Variants in RXFP1 observed in about 807,000 individuals in gnomAD.
RXFP1 encodes relaxin family peptide receptor 1, also known as relaxin receptor 1.
Under a neutral mutation model 89.8 loss-of-function variants are expected in RXFP1, and 73 were observed. The ratio of observed to expected loss-of-function variants is 0.81; its 90% CI spans 0.67 to 0.99. The LOEUF (loss-of-function observed/expected upper bound fraction) is 0.99, where lower values mean the gene tolerates loss of function less well. Among genes scored for constraint, RXFP1 ranks in the 50% least tolerant of loss-of-function variants. The pLI is 0.00. For synonymous variants in RXFP1, 277 were observed against 305.5 expected, an observed-to-expected ratio of 0.91 and a Z score of 0.97; for missense variants, 793 against 895.5, an observed-to-expected ratio of 0.89 and a Z score of 1.46.
chr4:158,644,083 C>T (rs1174249522), intron 14 of RXFP1, among the ~76,000 whole-genome samples: 4 of 140,896 alleles, frequency 2.8e-5, no homozygotes, highest in African/African-American at 1.1e-4. Flanking sequence ...CTCGCTCTGT[C>T]GCCCCCAGGC....
intron 1 of RXFP1, chr4:158,544,168 A>G: frequency 1.0e-6 from 1 of 984,576 alleles, no homozygotes; most frequent in Non-Finnish European, 1.2e-6. Flanking sequence ...CTTCATTGGA[A>G]ATCATTGTTC....
At chr4:158,628,741 T>C (rs1381543528) in intron 11 of RXFP1, 32 bp downstream of exon 11, 1 of 1,231,614 alleles carries the variant, frequency 8.1e-7, no homozygotes, top group Admixed American at 2.1e-5. Context: ...CTGATAAGAA[T>C]TTTCTTTCTA....
intron 1 of RXFP1, among the ~76,000 whole-genome samples, chr4:158,571,126 C>T (rs1754975612): frequency 6.6e-6 from 1 of 152,150 alleles, no homozygotes; most frequent in African/African-American, 2.4e-5. Flanking sequence ...TCTTTTTGGA[C>T]CTCTCCATAA....
intron 2 of RXFP1, among the ~76,000 whole-genome samples, chr4:158,586,994 A>G (rs1469194766): frequency 1.3e-5 from 2 of 152,174 alleles, no homozygotes; most frequent in Non-Finnish European, 2.9e-5. Context: ...ATCAGCATCT[A>G]TGGCAGTCAC....
chr4:158,567,850 T>C (rs180860655), intron 1 of RXFP1, among the ~76,000 whole-genome samples: 1 of 152,312 alleles, frequency 6.6e-6, no homozygotes, highest in East Asian at 1.9e-4. Flanking sequence ...GATAAGGGAA[T>C]AAAAGCAGGC....
Position 158,627,685 on chromosome 4 carries a change from C to T in RXFP1, c.827+794C>T, listed in dbSNP as rs74318687. On this transcript the variant is annotated intron_variant, in intron 10 of 17. Coordinates refer to ENST00000307765, the MANE Select transcript of RXFP1 (RefSeq NM_021634.4). The stretch of plus-strand genomic sequence containing the variant: ...TCCCACTGATATTACCATATGTTTT[C>T]TCCAATTCCCCCCATTCCAATGGGT... Among the ~76,000 whole-genome samples, 174 of 152,222 alleles carry T rather than the reference C, an allele frequency of 1.1e-3. 2 individuals carry two copies. The highest frequency in any genetic ancestry group is 1.1e-3 in the Non-Finnish European group (75 of 67,992).
intron 14 of RXFP1, among the ~76,000 whole-genome samples, chr4:158,640,740 G>A (rs1770217949): frequency 6.6e-6 from 1 of 152,112 alleles, no homozygotes; most frequent in Non-Finnish European, 1.5e-5. Context: ...CATGGTACAA[G>A]TGCTACCAGA....
chr4:158,572,880 G>A (rs771939832), intron 2 of RXFP1, 45 bp downstream of exon 2: 2 of 1,595,974 alleles, frequency 1.3e-6, no homozygotes, highest in Admixed American at 3.4e-5. Flanking sequence ...GGAGCAGAAA[G>A]GACTGAAGGT....
intron 9 of RXFP1, among the ~76,000 whole-genome samples, chr4:158,625,963 A>G (rs1037771695): frequency 3.9e-5 from 6 of 152,162 alleles, no homozygotes; most frequent in Non-Finnish European, 5.9e-5. Flanking sequence ...GAAGAGGAAC[A>G]ATAAAAGAGT....
intron 1 of RXFP1, among the ~76,000 whole-genome samples, chr4:158,550,994 G>A (rs987533781): frequency 5.3e-5 from 8 of 151,322 alleles, no homozygotes; most frequent in African/African-American, 1.2e-4. Flanking sequence ...AAAAAAAAAA[G>A]CAACTACTGA....
chr4:158,651,126 A>T (rs895687277), intron 17 of RXFP1, among the ~76,000 whole-genome samples: 7 of 152,288 alleles, frequency 4.6e-5, no homozygotes, highest in African/African-American at 1.7e-4. Context: ...CCTGTCTCAA[A>T]AACAAAAACA....
intron 1 of RXFP1, among the ~76,000 whole-genome samples, chr4:158,536,944 T>G (rs2149812313): frequency 6.6e-6 from 1 of 152,184 alleles, no homozygotes; most frequent in South Asian, 2.1e-4. Flanking sequence ...TCCATACTCA[T>G]GGAATGCACA....
intron 17 of RXFP1, among the ~76,000 whole-genome samples, chr4:158,649,711 G>A (rs989903073): frequency 3.9e-5 from 6 of 152,224 alleles, no homozygotes; most frequent in African/African-American, 9.6e-5. Context: ...ATAAGTGTTG[G>A]TAAAGTTGTG....
chr4:158,591,858 G>A (rs866286983), intron 2 of RXFP1, among the ~76,000 whole-genome samples: 1 of 152,242 alleles, frequency 6.6e-6, no homozygotes, highest in Middle Eastern at 3.4e-3. Flanking sequence ...TCATATGTTT[G>A]GGCATCCTTA....
At chr4:158,522,322 A>T (rs773305981) in intron 1 of RXFP1, among the ~76,000 whole-genome samples, 28 of 152,330 alleles carry the variant, frequency 1.8e-4, no homozygotes, top group Admixed American at 6.5e-5. Flanking sequence ...AAAGAGTAGT[A>T]ATTCTTAAAC....
chr4:158,550,511 G>C (rs1001080100), intron 1 of RXFP1, among the ~76,000 whole-genome samples: 1 of 152,180 alleles, frequency 6.6e-6, no homozygotes, highest in African/African-American at 2.4e-5. Context: ...ACCTCAGATG[G>C]AAATGCAGAA....
At chr4:158,572,666 T>C in intron 1 of RXFP1, 32 bp from the exon 2 acceptor site, 1 of 1,609,226 alleles carries the variant, frequency 6.2e-7, no homozygotes, top group South Asian at 1.1e-5. Context: ...TTAACCACCT[T>C]CAAACTTTGT....
At chr4:158,526,960 A>G (rs1742654570) in intron 1 of RXFP1, among the ~76,000 whole-genome samples, 1 of 152,092 alleles carries the variant, frequency 6.6e-6, no homozygotes, top group African/African-American at 2.4e-5. Context: ...CAGGAACTCA[A>G]GTTCTCATTG....
At position 158,612,179 on chromosome 4, in the gene RXFP1, G is replaced by T; in HGVS notation, c.586G>T (p.Asp196Tyr). 1 of 1,611,772 alleles carries T rather than the reference G, an allele frequency of 6.2e-7. No individual in the cohort carries two copies. The highest frequency in any genetic ancestry group is 8.5e-7 in the Non-Finnish European group (1 of 1,179,248). ...CTTCCTGAAGCCGGGTGTTTTTGAA[G>T]ATCTTCACAGACTAGAATGGCTGTA... ...ITFLKPGVFEDLHRLEWLIIE... is the reference protein window; with the variant it reads ...ITFLKPGVFEYLHRLEWLIIE... Residue 196 changes from aspartate to tyrosine, a missense_variant, in exon 7 of 18, where the codon GAT (aspartate) becomes TAT (tyrosine). Transcript: ENST00000307765.
Sources: gnomAD v4.1 joint callset for allele counts (sites outside exome capture counted in the v4.1 genomes callset) on GRCh38, gnomAD v4.1.1 for gene constraint, MANE v1.5 for transcripts, NCBI Gene and HGNC (gene_info 2026-07-23, HGNC 2026-07-21) for gene names.